The following SLC43A2 variants were observed in gnomAD, a reference collection of about 807,000 sequenced individuals.
SLC43A2 encodes the protein large neutral amino acids transporter small subunit 4.
In SLC43A2, 38 loss-of-function variants were observed where a neutral mutation model predicts 63.2. That is an observed-to-expected ratio of 0.60 (90% confidence interval 0.46 to 0.79). The LOEUF (loss-of-function observed/expected upper bound fraction) is 0.79, where lower values mean the gene tolerates loss of function less well. SLC43A2 is among the 30% of genes least tolerant of loss of function. SLC43A2 has a pLI of 0.00. For missense variants in SLC43A2, 644 were observed against 756.2 expected (o/e 0.85, Z 1.74); for synonymous variants, 322 against 331.0 (o/e 0.97, Z 0.30).
intron 1 of SLC43A2, 139 bp from the exon 2 acceptor site, chr17:1,628,059 C>A: frequency 1.1e-6 from 1 of 877,236 alleles, no homozygotes; most frequent in Non-Finnish European, 1.5e-6. Context: ...GCAGAGGAAG[C>A]GAACCCCAGC....
At chr17:1,601,298 G>C (rs909572283) in intron 5 of SLC43A2, among the ~76,000 whole-genome samples, 1 of 152,032 alleles carries the variant, frequency 6.6e-6, no homozygotes, top group African/African-American at 2.4e-5. Flanking sequence ...ATCTTCCAGA[G>C]TGGTAGAATC....
rs7210368 is a variant in SLC43A2 at position 1,590,678 on chromosome 17, T to A, written c.1078+124A>T. ...GCAATAGCTCTGACGGGCAGACAGC[T>A]CCTGGGATGCGGCCTTTCCATGGCC... On this transcript the variant is annotated intron_variant, in intron 9 of 13. Transcript: ENST00000301335. The A allele has an allele frequency of 1.0e-4, 128 of 1,245,210 alleles. 2 individuals are homozygous for A. In the African/African-American group the frequency reaches 1.6e-3, roughly 16 times the overall value. 77.1% of individuals were successfully genotyped at this position (1,245,210 alleles called of 1,614,324 possible).
chr17:1,611,953 C>G (rs1257407559), intron 5 of SLC43A2, among the ~76,000 whole-genome samples: 1 of 152,034 alleles, frequency 6.6e-6, no homozygotes, highest in Admixed American at 6.6e-5. Flanking sequence ...TTTGGTTCCT[C>G]TTTTGACTTT....
chr17:1,609,171 A>G (rs946254298), intron 5 of SLC43A2, among the ~76,000 whole-genome samples: 1 of 152,130 alleles, frequency 6.6e-6, no homozygotes, highest in Non-Finnish European at 1.5e-5. Flanking sequence ...GGAGGAAAAG[A>G]CACTCGTGTA....
rs1197772343 is a variant in SLC43A2, at chr17:1,582,479, TCCCACCAACAC to T, written c.1350+714_1350+724del. Among the ~76,000 whole-genome samples the T allele has an allele frequency of 3.4e-4, 52 of 152,224 alleles. 1 individual carries two copies. Among genetic ancestry groups the T allele is most frequent in the Admixed American group, 3.1e-3 (48 of 15,266 alleles). On this transcript the variant is annotated intron_variant, in intron 11 of 13. Transcript: ENST00000301335. ...ACTCTGGTGACAGGGGAGCAGATGC[TCCCACCAACAC>T]CACAGATTGGCCAGATCTCTTTGGA... is the stretch of plus-strand genomic sequence containing the variant.
At chr17:1,581,717 GA>G (rs1454111032) in intron 11 of SLC43A2, among the ~76,000 whole-genome samples, 2 of 152,248 alleles carry the variant, frequency 1.3e-5, no homozygotes, top group South Asian at 4.1e-4. Flanking sequence ...CCAGTGGGTG[GA>G]GCCAGGCAGG....
At chr17:1,624,501 G>A (rs1299116548) in intron 2 of SLC43A2, among the ~76,000 whole-genome samples, 3 of 151,994 alleles carry the variant, frequency 2.0e-5, no homozygotes, top group Non-Finnish European at 4.4e-5. Flanking sequence ...TCAGGAGTTC[G>A]AGACCAGCCA....
In SLC43A2 at chr17:1,615,046, C is replaced by A. The variant is rs1222148406; in HGVS notation, c.369-12G>T. The A allele has an allele frequency of 6.2e-7, 1 of 1,613,830 alleles. No individual in the cohort carries two copies. The highest frequency in any genetic ancestry group is 8.5e-7 in the Non-Finnish European group (1 of 1,179,884). On this transcript the variant is annotated splice_polypyrimidine_tract_variant and intron_variant, in intron 3 of 13. Coordinates refer to ENST00000301335, the MANE Select transcript of SLC43A2 (RefSeq NM_152346.3). Reference sequence around the variant, plus strand: ...CCGCGAAGCAGGCGCTAAAACCAAGCAGAAACGCAATGTTATTTACCATTA... The same window carrying A: ...CCGCGAAGCAGGCGCTAAAACCAAGAAGAAACGCAATGTTATTTACCATTA...
rs1216957609 is a variant in SLC43A2 at position 1,576,600 on chromosome 17, C to T, written c.1545G>A (p.Leu515=). 1 of 1,605,364 alleles carries T rather than the reference C, an allele frequency of 6.2e-7. No individual in the cohort carries two copies. Among genetic ancestry groups the T allele is most frequent in the Non-Finnish European group, 8.5e-7 (1 of 1,179,108 alleles). Residue 515 remains leucine, a synonymous_variant, in exon 13 of 14, where the codon CTG becomes CTA. Coordinates refer to ENST00000301335, the MANE Select transcript of SLC43A2 (RefSeq NM_152346.3). The part of the protein sequence containing the change: ...AMMGPLQGDP[L]WVNVGLLLLS... ...ACCATCCCCCGACCCCTCTTACCCA[C>T]AGAGGGTCTCCCTGGAGAGGACCCA...
intron 5 of SLC43A2, among the ~76,000 whole-genome samples, chr17:1,594,045 GC>G (rs1351890734): frequency 6.6e-6 from 1 of 152,072 alleles, no homozygotes; most frequent in Non-Finnish European, 1.5e-5. Context: ...CACCATGTTG[GC>G]CAGGCTGATC....
At position 1,569,436 on chromosome 17, in the gene SLC43A2, C is replaced by G. The variant is rs2075815405; in HGVS notation, c.*6168G>C. 1 of 152,238 alleles carries G rather than the reference C, an allele frequency of 6.6e-6. No homozygotes were observed. The highest frequency in any genetic ancestry group is 2.1e-4 in the South Asian group (1 of 4,834). 9.4% of individuals were successfully genotyped at this position (152,238 alleles called of 1,614,324 possible). On this transcript the variant is annotated 3_prime_UTR_variant, in exon 14 of 14. Transcript: ENST00000301335. Reference sequence around the variant, plus strand: ...TCCCTTCCGAGGGCCTGGGCGGGGTCTTGGGGCCGCTCCTGCCCAGGTGTT... The same window carrying G: ...TCCCTTCCGAGGGCCTGGGCGGGGTGTTGGGGCCGCTCCTGCCCAGGTGTT...
chr17:1,600,213 C>T (rs1905842678), intron 5 of SLC43A2, among the ~76,000 whole-genome samples: 1 of 120,956 alleles, frequency 8.3e-6, no homozygotes, highest in Non-Finnish European at 1.6e-5. Context: ...TGCAGTAGTG[C>T]TATCTCGGCT....
intron 5 of SLC43A2, among the ~76,000 whole-genome samples, chr17:1,600,270 C>T (rs1244270184): frequency 6.9e-6 from 1 of 144,652 alleles, no homozygotes; most frequent in African/African-American, 2.5e-5. Context: ...CCTGCCTCAG[C>T]CTCCCGAGTA....
At chr17:1,624,056 G>A (rs556688436) in intron 2 of SLC43A2, among the ~76,000 whole-genome samples, 5 of 152,342 alleles carry the variant, frequency 3.3e-5, no homozygotes, top group South Asian at 2.1e-4. Context: ...ACAGGTATGC[G>A]TGTGATGACT....
intron 12 of SLC43A2, 96 bp from the exon 13 acceptor site, chr17:1,576,816 G>A: frequency 1.4e-6 from 2 of 1,461,830 alleles, no homozygotes; most frequent in South Asian, 1.3e-5. Flanking sequence ...TGGTGCCAGA[G>A]AAGGGTGGGG....
chr17:1,614,040 A>G (rs1169632822), intron 4 of SLC43A2, among the ~76,000 whole-genome samples: 2 of 152,088 alleles, frequency 1.3e-5, no homozygotes, highest in African/African-American at 4.8e-5. Flanking sequence ...TCAGGAGATC[A>G]AGACCATCCT....
At chr17:1,600,492 A>G (rs754468482) in intron 5 of SLC43A2, among the ~76,000 whole-genome samples, 5 of 149,940 alleles carry the variant, frequency 3.3e-5, no homozygotes, top group Non-Finnish European at 4.4e-5. Context: ...TCTGTGCTCT[A>G]AGGTGAGCAA....
intron 4 of SLC43A2, 80 bp from the exon 5 acceptor site, chr17:1,613,351 G>A (rs1162655454): frequency 1.8e-5 from 23 of 1,287,656 alleles, no homozygotes; most frequent in East Asian, 4.7e-5. Flanking sequence ...AGTCCTGCGC[G>A]GTGCAGGCTC....
intron 2 of SLC43A2, among the ~76,000 whole-genome samples, chr17:1,626,697 G>C (rs1908696818): frequency 6.6e-6 from 1 of 152,198 alleles, no homozygotes; most frequent in Non-Finnish European, 1.5e-5. Flanking sequence ...GCTCTAGAAA[G>C]AAAAGGCCTG....
Sources: gnomAD v4.1 joint callset for allele counts (sites outside exome capture counted in the v4.1 genomes callset) on GRCh38, gnomAD v4.1.1 for gene constraint, MANE v1.5 for transcripts, NCBI Gene and HGNC (gene_info 2026-07-23, HGNC 2026-07-21) for gene names.